FARP1: variants seen among roughly 807,000 people sequenced by gnomAD.
FARP1 encodes FERM, ARH/RhoGEF and pleckstrin domain protein 1, also known as FERM, ARHGEF and pleckstrin domain-containing protein 1.
FARP1 carries 52 observed loss-of-function variants against 128.8 expected under a neutral mutation model. That is an observed-to-expected ratio of 0.40 (90% CI 0.32 to 0.51). The LOEUF (loss-of-function observed/expected upper bound fraction) is 0.51, where lower values mean the gene tolerates loss of function less well. Ranked by LOEUF, FARP1 falls within the 20% of genes least tolerant of loss-of-function variation. The pLI, the probability that FARP1 is intolerant of heterozygous loss-of-function variation, is 0.45. For missense variants in FARP1, 1,333 were observed against 1,367.9 expected (o/e 0.97, Z 0.40); for synonymous variants, 580 against 551.8 (o/e 1.05, Z -0.72).
At chr13:98,254,447 TCAGA>T (rs1883489720) in intron 2 of FARP1, among the ~76,000 whole-genome samples, 1 of 152,178 alleles carries the variant, frequency 6.6e-6, no homozygotes, top group African/African-American at 2.4e-5. Flanking sequence ...TGTAAAATGA[TCAGA>T]CAGTTTTGGG....
intron 11 of FARP1, among the ~76,000 whole-genome samples, chr13:98,392,324 A>C (rs79672409): frequency 0.042 from 234 of 5,544 alleles, 5 homozygotes; most frequent in Middle Eastern, 0.5. Flanking sequence ...ATCTCTACCC[A>C]AAAAAAAAAA....
intron 1 of FARP1, among the ~76,000 whole-genome samples, chr13:98,151,135 G>A (rs551804067): frequency 2.3e-4 from 35 of 152,106 alleles, no homozygotes; most frequent in African/African-American, 8.2e-4. Flanking sequence ...TTATGAGAAG[G>A]TGAGTACAGT....
chr13:98,409,810 A>G (rs994224579), intron 14 of FARP1, among the ~76,000 whole-genome samples: 2 of 152,116 alleles, frequency 1.3e-5, no homozygotes, highest in Non-Finnish European at 2.9e-5. Flanking sequence ...TGTCTCTATG[A>G]ATTTGCCTAC....
intron 2 of FARP1, among the ~76,000 whole-genome samples, chr13:98,332,190 C>T (rs887483433): frequency 6.6e-6 from 1 of 152,084 alleles, no homozygotes; most frequent in Admixed American, 6.6e-5. Context: ...TTTCATCTTC[C>T]CAAACTGAAA....
chr13:98,180,933 C>G (rs1878460657), intron 1 of FARP1, among the ~76,000 whole-genome samples: 1 of 152,120 alleles, frequency 6.6e-6, no homozygotes, highest in African/African-American at 2.4e-5. Context: ...GCCTTATTGT[C>G]CTAATACTCT....
At chr13:98,229,410 A>G (rs1881980027) in intron 2 of FARP1, among the ~76,000 whole-genome samples, 1 of 152,228 alleles carries the variant, frequency 6.6e-6, no homozygotes, top group Non-Finnish European at 1.5e-5. Flanking sequence ...TATTTTATTT[A>G]CAACATGAGG....
intron 1 of FARP1, among the ~76,000 whole-genome samples, chr13:98,211,830 C>T (rs1880733031): frequency 6.6e-6 from 1 of 152,220 alleles, no homozygotes; most frequent in East Asian, 1.9e-4. Flanking sequence ...AATATACTGG[C>T]TGAGTGGTCC....
At chr13:98,181,731 C>A (rs756377101) in intron 1 of FARP1, among the ~76,000 whole-genome samples, 3 of 151,530 alleles carry the variant, frequency 2.0e-5, no homozygotes, top group African/African-American at 7.3e-5. Flanking sequence ...TAGGCTCAAG[C>A]GATCCTCCTG....
At chr13:98,181,597 ATTATTTATTTATTTATTTAT>A (rs56127904) in intron 1 of FARP1, among the ~76,000 whole-genome samples, 4 of 135,560 alleles carry the variant, frequency 3.0e-5, no homozygotes, top group East Asian at 2.1e-4. Flanking sequence ...TAGAAATAAT[ATTATTTATTTATTTATTTAT>A]TTATTTATTT....
intron 16 of FARP1, among the ~76,000 whole-genome samples, chr13:98,419,029 C>T (rs777255531): frequency 9.2e-5 from 14 of 152,210 alleles, no homozygotes; most frequent in Non-Finnish European, 1.8e-4. Context: ...GTGTTTCCCG[C>T]AGCTGCCAAA....
At chr13:98,220,791 G>C (rs1881369724) in intron 2 of FARP1, among the ~76,000 whole-genome samples, 1 of 152,020 alleles carries the variant, frequency 6.6e-6, no homozygotes, top group Middle Eastern at 3.4e-3. Flanking sequence ...AGACCCTTGT[G>C]ATCAAAGTCA....
chr13:98,294,032 T>C (rs1180806591), intron 2 of FARP1, among the ~76,000 whole-genome samples: 4 of 152,224 alleles, frequency 2.6e-5, no homozygotes, highest in East Asian at 1.9e-4. Context: ...AGTCCATCTA[T>C]GAATGGTCTG....
chr13:98,181,208 A>G (rs1302229540), intron 1 of FARP1, among the ~76,000 whole-genome samples: 1 of 152,200 alleles, frequency 6.6e-6, no homozygotes, highest in South Asian at 2.1e-4. Flanking sequence ...AGTGAAGGAA[A>G]AAATTGGGAT....
chr13:98,353,597 C>T (rs1439628297), intron 3 of FARP1, among the ~76,000 whole-genome samples: 8 of 152,080 alleles, frequency 5.3e-5, no homozygotes, highest in Non-Finnish European at 1.0e-4. Context: ...AGGCTGGTCT[C>T]GAACTCCTGA....
intron 2 of FARP1, among the ~76,000 whole-genome samples, chr13:98,281,922 G>T (rs1415211224): frequency 6.6e-6 from 1 of 152,130 alleles, no homozygotes; most frequent in Admixed American, 6.5e-5. Context: ...TTCTAATGTG[G>T]GGTCCGTGGG....
intron 24 of FARP1, 167 bp from the exon 25 acceptor site, chr13:98,445,931 C>T (rs1487772214): frequency 8.6e-6 from 5 of 582,412 alleles, no homozygotes; most frequent in Non-Finnish European, 1.2e-5. Context: ...AGATCAGGGT[C>T]CCAGGACCTG....
At chr13:98,269,327 C>A (rs1457797937) in intron 2 of FARP1, among the ~76,000 whole-genome samples, 1 of 152,150 alleles carries the variant, frequency 6.6e-6, no homozygotes, top group East Asian at 1.9e-4. Flanking sequence ...AAGTGGATAA[C>A]TTAAGTATAA....
chr13:98,242,805 T>C (rs1882850755), intron 2 of FARP1, among the ~76,000 whole-genome samples: 1 of 152,266 alleles, frequency 6.6e-6, no homozygotes, highest in East Asian at 1.9e-4. Context: ...TTTAGTTGTA[T>C]AAATATATTT....
intron 5 of FARP1, among the ~76,000 whole-genome samples, chr13:98,376,895 G>A (rs2140006210): frequency 6.6e-6 from 1 of 151,706 alleles, no homozygotes; most frequent in East Asian, 1.9e-4. Flanking sequence ...GTGATGTTGA[G>A]CATCTTTTCA....
Sources: gnomAD v4.1 joint callset for allele counts (sites outside exome capture counted in the v4.1 genomes callset) on GRCh38, gnomAD v4.1.1 for gene constraint, MANE v1.5 for transcripts, NCBI Gene and HGNC (gene_info 2026-07-23, HGNC 2026-07-21) for gene names.